Variants in ZZEF1 observed in about 807,000 individuals in gnomAD.
ZZEF1 encodes zinc finger ZZ-type and EF-hand domain containing 1, also known as zinc finger ZZ-type and EF-hand domain-containing protein 1.
In ZZEF1, 157 loss-of-function variants were observed where a neutral mutation model predicts 342.8. The ratio of observed to expected loss-of-function variants is 0.46; its 90% CI spans 0.40 to 0.52. The LOEUF is 0.52. Ranked by LOEUF, ZZEF1 falls within the 20% of genes least tolerant of loss-of-function variation. The probability of loss-of-function intolerance (pLI) is 0.00; values close to 1 mark genes in which losing one functional copy is unlikely to be tolerated. For synonymous variants in ZZEF1, 1,505 were observed against 1,429.1 expected, an observed-to-expected ratio of 1.05 and a Z score of -1.20; for missense variants, 3,480 against 3,725.6, an observed-to-expected ratio of 0.93 and a Z score of 1.72.
chr17:4,033,877 A>C, intron 40 of ZZEF1, 138 bp downstream of exon 40: 1 of 1,196,570 alleles, frequency 8.4e-7, no homozygotes, highest in South Asian at 1.5e-5. Flanking sequence ...CATGAACCTA[A>C]TTCTATTTCC....
chr17:4,109,013 T>C (rs956655692), intron 6 of ZZEF1, among the ~76,000 whole-genome samples: 1 of 152,244 alleles, frequency 6.6e-6, no homozygotes, highest in Non-Finnish European at 1.5e-5. Context: ...AGTGCTGCTA[T>C]AGCTGGTTGT....
At chr17:4,112,835 C>T (rs948507593) in intron 4 of ZZEF1, 27 bp from the exon 5 acceptor site, 7 of 1,529,892 alleles carry the variant, frequency 4.6e-6, no homozygotes, top group Non-Finnish European at 6.2e-6. Context: ...GCAGAAATTA[C>T]AAATGTTTAT....
At chr17:4,048,725 G>GT (rs890553108) in intron 37 of ZZEF1, among the ~76,000 whole-genome samples, 19 of 151,782 alleles carry the variant, frequency 1.3e-4, no homozygotes, top group African/African-American at 2.9e-4. Context: ...TTTTTTGGTT[G>GT]TTTTTTTTGA....
chr17:4,075,277 A>T lies in ZZEF1; in HGVS notation c.3387T>A (p.Cys1129Ter). The change falls in exon 22 of 55, where the codon TGT (cysteine) becomes TGA (stop). Residue 1129 changes from cysteine to a stop codon, truncating the protein, a stop_gained. Transcript: ENST00000381638. LOFTEE classifies it high-confidence loss of function. ...AGAAGTCTTACCTTTTTTCAGTTTC[A>T]CACCTGTCATCGAATTCCACTTCAA... ...TYFEVEFDDR[C>*]ETEKRYDYLE... 1 of 1,613,978 alleles carries T rather than the reference A, an allele frequency of 6.2e-7. No individual in the cohort carries two copies. Among genetic ancestry groups the T allele is most frequent in the Non-Finnish European group, 8.5e-7 (1 of 1,179,962 alleles).
chr17:4,134,437 G>A (rs1246942968), intron 1 of ZZEF1, among the ~76,000 whole-genome samples: 1 of 150,636 alleles, frequency 6.6e-6, no homozygotes, highest in Admixed American at 6.6e-5. Flanking sequence ...GATGAATAGG[G>A]CACACAGTCC....
At chr17:4,129,894 T>C (rs2058636745) in intron 1 of ZZEF1, among the ~76,000 whole-genome samples, 1 of 152,212 alleles carries the variant, frequency 6.6e-6, no homozygotes, top group Admixed American at 6.5e-5. Flanking sequence ...CCACTATCCT[T>C]AGCAAACTAA....
At chr17:4,107,094 A>G (rs896913688) in intron 6 of ZZEF1, among the ~76,000 whole-genome samples, 2 of 152,184 alleles carry the variant, frequency 1.3e-5, no homozygotes, top group African/African-American at 4.8e-5. Context: ...ATTTCCACTG[A>G]TACAGGCAAC....
In ZZEF1 at chr17:4,036,817, A is replaced by T. The variant is rs12937688; in HGVS notation, c.6307-2525T>A. Among the ~76,000 whole-genome samples, 479 of 72,528 alleles carry T rather than the reference A, an allele frequency of 6.6e-3. 2 individuals carry two copies. Among genetic ancestry groups the T allele is most frequent in the East Asian group, 0.022 (48 of 2,194 alleles). The allele number at this position is 72,528 out of a possible 152,430, so 47.6% of individuals were successfully genotyped here. On this transcript the variant is annotated intron_variant, in intron 39 of 54. Transcript: ENST00000381638. ...CACACACACACACACACACACACAC[A>T]CTCTCTCTCTCTCTCTCTCTCTCTC...
At position 4,066,451 on chromosome 17, in the gene ZZEF1, G is replaced by A. The variant is rs2057398389; in HGVS notation, c.4245C>T (p.Ser1415=). ...SSEATEVNPE[S]LAKECIEKSL... ...AGCTGGTGTTAGCACACTCACCCAG[G>A]CTCTCAGGGTTCACCTCAGTAGCTT... The change falls in exon 28 of 55, where the codon AGC becomes AGT. Residue 1415 remains serine (S), a synonymous_variant. Transcript: ENST00000381638. 4 of 1,613,902 alleles carry A rather than the reference G, an allele frequency of 2.5e-6. No homozygotes were observed. Among genetic ancestry groups the A allele is most frequent in the South Asian group, 2.2e-5 (2 of 91,076 alleles).
intron 38 of ZZEF1, 60 bp downstream of exon 38, chr17:4,044,164 G>T (rs1284609471): frequency 3.8e-6 from 6 of 1,576,524 alleles, no homozygotes; most frequent in Non-Finnish European, 4.3e-6. Flanking sequence ...ACAGCTCAGG[G>T]ATGGGTATAT....
At chr17:4,069,261 T>C (rs1296096852) in intron 26 of ZZEF1, among the ~76,000 whole-genome samples, 2 of 152,216 alleles carry the variant, frequency 1.3e-5, no homozygotes, top group Non-Finnish European at 2.9e-5. Context: ...CTTACTATAA[T>C]TTGATTACAA....
intron 37 of ZZEF1, among the ~76,000 whole-genome samples, chr17:4,047,923 AGAGT>A (rs2056959572): frequency 6.6e-6 from 1 of 152,148 alleles, no homozygotes; most frequent in Non-Finnish European, 1.5e-5. Context: ...CCTGGGCAAC[AGAGT>A]GAGACCCTGT....
At chr17:4,089,038 ATATAAGTCCAGC>A in intron 12 of ZZEF1, 145 bp from the exon 13 acceptor site, 1 of 672,020 alleles carries the variant, frequency 1.5e-6, no homozygotes, top group Non-Finnish European at 2.5e-6. Flanking sequence ...GGGACACAAA[ATATAAGTCCAGC>A]ATTTACAGTA....
In ZZEF1 at chr17:4,083,549, G is replaced by C. The variant is rs143436080; in HGVS notation, c.2647-1045C>G. On this transcript the variant is annotated intron_variant, in intron 16 of 54. Coordinates refer to ENST00000381638, the MANE Select transcript of ZZEF1 (RefSeq NM_015113.4). ...CAACATGATTCTCCTCTTGCATATGGAATAAGTTTTTCCTTGCGGCAGGTG... is the reference window on the plus strand; with the variant it reads ...CAACATGATTCTCCTCTTGCATATGCAATAAGTTTTTCCTTGCGGCAGGTG... Among the ~76,000 whole-genome samples the C allele has an allele frequency of 2.2e-4, 33 of 152,066 alleles. 1 individual carries two copies. The East Asian group carries it at 4.1e-3, about 19-fold the overall frequency.
intron 42 of ZZEF1, among the ~76,000 whole-genome samples, chr17:4,030,760 G>A (rs2056524217): frequency 6.6e-6 from 1 of 152,146 alleles, no homozygotes; most frequent in East Asian, 1.9e-4. Context: ...TATAGAAACT[G>A]ATAGAAACTC....
chr17:4,011,464 C>G (rs1597749254), intron 52 of ZZEF1, among the ~76,000 whole-genome samples: 1 of 151,612 alleles, frequency 6.6e-6, no homozygotes, highest in East Asian at 1.9e-4. Flanking sequence ...TTATGAAACA[C>G]AAGATGCTTG....
chr17:4,058,329 CA>C (rs1263729060), intron 31 of ZZEF1, among the ~76,000 whole-genome samples, 174 bp from the exon 32 acceptor site: 1 of 152,180 alleles, frequency 6.6e-6, no homozygotes, highest in Non-Finnish European at 1.5e-5. Flanking sequence ...TCAAAGCTTA[CA>C]CAAAATAACT....
intron 2 of ZZEF1, among the ~76,000 whole-genome samples, chr17:4,122,193 C>T (rs1447404646): frequency 6.6e-6 from 1 of 151,988 alleles, no homozygotes; most frequent in African/African-American, 2.4e-5. Context: ...ACCAAGTGCA[C>T]AGAGCAGGAA....
chr17:4,094,714 G>C (rs1331159094), intron 11 of ZZEF1, among the ~76,000 whole-genome samples: 2 of 152,146 alleles, frequency 1.3e-5, no homozygotes, highest in Non-Finnish European at 2.9e-5. Flanking sequence ...ATTCACTGCC[G>C]ATGAGGCTTT....
Sources: allele counts gnomAD v4.1 joint callset (sites outside exome capture counted in the v4.1 genomes callset), GRCh38; gene constraint gnomAD v4.1.1; transcripts MANE v1.5; gene names NCBI Gene and HGNC (gene_info 2026-07-23, HGNC 2026-07-21).